ZNF624: variants seen among roughly 807,000 people sequenced by gnomAD.
ZNF624 encodes the protein zinc finger protein 624.
A neutral mutation model predicts 74.7 loss-of-function variants in ZNF624; 43 were observed. The ratio of observed to expected loss-of-function variants is 0.58; its 90% CI spans 0.45 to 0.74. The LOEUF (loss-of-function observed/expected upper bound fraction) is 0.74. ZNF624 is among the 30% of genes least tolerant of loss of function. The pLI is 0.00. For missense variants in ZNF624, 820 were observed against 1,030.0 expected, an observed-to-expected ratio of 0.80 and a Z score of 2.79; for synonymous variants, 331 against 341.3, an observed-to-expected ratio of 0.97 and a Z score of 0.33.
intron 3 of ZNF624, among the ~76,000 whole-genome samples, chr17:16,637,486 C>G (rs960631399): frequency 6.6e-6 from 1 of 152,122 alleles, no homozygotes; most frequent in Non-Finnish European, 1.5e-5. Flanking sequence ...GCTACAGTAA[C>G]CAAAACAGCA....
At chr17:16,635,569 T>C (rs966218525) in intron 3 of ZNF624, among the ~76,000 whole-genome samples, 4 of 152,112 alleles carry the variant, frequency 2.6e-5, no homozygotes, top group African/African-American at 7.2e-5. Context: ...TTGAGTGACT[T>C]TGAAACAGTA....
At chr17:16,645,205 T>C (rs1435966594) in intron 3 of ZNF624, among the ~76,000 whole-genome samples, 2 of 152,086 alleles carry the variant, frequency 1.3e-5, no homozygotes, top group African/African-American at 4.8e-5. Context: ...TTTGGGAGGC[T>C]GAGGTGGGCA....
intron 3 of ZNF624, among the ~76,000 whole-genome samples, chr17:16,635,170 T>G (rs1909297882): frequency 6.6e-6 from 1 of 152,358 alleles, no homozygotes; most frequent in South Asian, 2.1e-4. Flanking sequence ...CAATTTTCTT[T>G]CAGTTCTAAT....
intron 1 of ZNF624, among the ~76,000 whole-genome samples, chr17:16,650,738 T>C (rs1909704856): frequency 6.6e-6 from 1 of 152,142 alleles, no homozygotes; most frequent in South Asian, 2.1e-4. Context: ...ATGAGGGCAG[T>C]GACATAATAA....
In ZNF624 at chr17:16,623,248, G is replaced by A; in HGVS notation, c.1638C>T (p.His546=). The part of the protein sequence containing the change: ...AFINYSCLTV[H]HRMHTGEKPY... ...GTTTCTCTCCTGTATGCATTCTGTG[G>A]TGTACAGTAAGGCATGAATAATTAA... Residue 546 remains histidine, a synonymous_variant, in exon 6 of 6, where the codon CAC becomes CAT. Transcript: ENST00000311331. This position sits in a 1 kb window ranked among gnomAD's most constrained non-coding sequence, Gnocchi z 5.3. The A allele has an allele frequency of 2.5e-6, 4 of 1,613,852 alleles. No homozygotes were observed. The highest frequency in any genetic ancestry group is 3.4e-6 in the Non-Finnish European group (4 of 1,179,892).
In ZNF624 at chr17:16,623,500, A is replaced by T; in HGVS notation, c.1386T>A (p.His462Gln). The T allele has an allele frequency of 6.2e-7, 1 of 1,611,062 alleles. No individual in the cohort carries two copies. The highest frequency in any genetic ancestry group is 8.5e-7 in the Non-Finnish European group (1 of 1,179,150). Residue 462 changes from histidine (H) to glutamine (Q), a missense_variant, in exon 6 of 6, where the codon CAT (histidine) becomes CAA (glutamine). Coordinates refer to ENST00000311331, the MANE Select transcript of ZNF624 (RefSeq NM_020787.4). This position sits in a 1 kb window ranked among gnomAD's most constrained non-coding sequence, Gnocchi z 5.3. ...GTTTCTCTCCAGTATGAATCCTCTG[A>T]TGCACATTAAAAATTGTGGTATTCT... ...SFKNTTIFNV[H>Q]QRIHTGEKPF...
intron 3 of ZNF624, among the ~76,000 whole-genome samples, chr17:16,637,974 A>G (rs1464556593): frequency 6.6e-6 from 1 of 152,208 alleles, no homozygotes; most frequent in East Asian, 1.9e-4. Flanking sequence ...CTCATCTGAC[A>G]AAGGGCTAAT....
Position 16,624,324 on chromosome 17 carries a change from G to A in ZNF624, c.562C>T (p.Gln188Ter). ...GTCTTCTTGAGTGGAATTATTCTTT[G>A]ACTCAAATGATTCTCCTGATTATTT... ...LQNNQENHLSQRIIPLKKTPT... is the reference protein window; with the variant it reads ...LQNNQENHLS Residue 188 changes from glutamine (Q) to a stop codon, truncating the protein, a stop_gained, in exon 6 of 6, where the codon CAA becomes TAA. Transcript: ENST00000311331. LOFTEE classifies it high-confidence loss of function. The A allele has an allele frequency of 6.2e-7, 1 of 1,613,328 alleles. No individual in the cohort carries two copies. The highest frequency in any genetic ancestry group is 8.5e-7 in the Non-Finnish European group (1 of 1,179,808).
chr17:16,647,654 C>G (rs78925110), intron 2 of ZNF624, among the ~76,000 whole-genome samples: 4,421 of 152,280 alleles, frequency 0.029, 213 homozygotes, highest in African/African-American at 0.1. Context: ...CAAAAATAAA[C>G]TTATAATAAA....
intron 2 of ZNF624, among the ~76,000 whole-genome samples, chr17:16,649,161 G>A (rs1909661311): frequency 6.6e-6 from 1 of 152,120 alleles, no homozygotes; most frequent in African/African-American, 2.4e-5. Flanking sequence ...GCCAAGCACT[G>A]TCTTAAACAT....
chr17:16,642,061 C>T (rs967587702), intron 3 of ZNF624, among the ~76,000 whole-genome samples: 3 of 151,978 alleles, frequency 2.0e-5, no homozygotes, highest in Non-Finnish European at 4.4e-5. Context: ...CTTAATCTTG[C>T]GAATATAGCA....
rs767570421 is a variant in ZNF624, at chr17:16,623,422, G to A, written c.1464C>T (p.Ile488=). The A allele has an allele frequency of 6.8e-5, 109 of 1,613,584 alleles. No homozygotes were observed. Among genetic ancestry groups the A allele is most frequent in the South Asian group, 1.4e-4 (13 of 91,060 alleles). ...CCCCAGTGTGAGTTCTTATATGTAC[G>A]ATAAGGCTTGAATTACTTCTATAGG... The part of the protein sequence containing the change: ...GKAYRSNSSL[I]VHIRTHTGEK... The change falls in exon 6 of 6, where the codon ATC becomes ATT. Residue 488 remains isoleucine, a synonymous_variant. Transcript: ENST00000311331. This position sits in a 1 kb window ranked among gnomAD's most constrained non-coding sequence, Gnocchi z 5.3.
chr17:16,637,495 C>A (rs1366842626), intron 3 of ZNF624, among the ~76,000 whole-genome samples: 2 of 152,276 alleles, frequency 1.3e-5, no homozygotes, highest in East Asian at 3.9e-4. Context: ...ACCAAAACAG[C>A]ATGGTACTGG....
chr17:16,647,916 T>C (rs562829428), intron 2 of ZNF624, among the ~76,000 whole-genome samples: 2 of 151,404 alleles, frequency 1.3e-5, no homozygotes, highest in Non-Finnish European at 2.9e-5. Context: ...GCCTTATTTA[T>C]TTATTTATTT....
chr17:16,636,788 A>T (rs1034613455), intron 3 of ZNF624, among the ~76,000 whole-genome samples: 3 of 151,694 alleles, frequency 2.0e-5, no homozygotes, highest in Admixed American at 6.6e-5. Context: ...GTGAGCCGAG[A>T]TTGCGCCACT....
intron 5 of ZNF624, among the ~76,000 whole-genome samples, chr17:16,629,707 C>T (rs1322249908): frequency 6.6e-6 from 1 of 152,056 alleles, no homozygotes; most frequent in East Asian, 1.9e-4. Flanking sequence ...GCTGGGATTA[C>T]AGGCCAGTGC....
At chr17:16,647,834 C>T (rs1439143246) in intron 2 of ZNF624, among the ~76,000 whole-genome samples, 1 of 152,160 alleles carries the variant, frequency 6.6e-6, no homozygotes, top group Non-Finnish European at 1.5e-5. Context: ...TCAACAGTCA[C>T]TCAGGAAATA....
chr17:16,631,498 G>A (rs1909206407), intron 5 of ZNF624: 1 of 152,198 alleles, frequency 6.6e-6, no homozygotes, highest in Admixed American at 6.5e-5. Context: ...GGACGAGGTG[G>A]GAGGATAGCT....
chr17:16,641,925 C>T (rs1003207159), intron 3 of ZNF624, among the ~76,000 whole-genome samples: 4 of 152,096 alleles, frequency 2.6e-5, no homozygotes, highest in Admixed American at 2.6e-4. Context: ...TAAGAAAACA[C>T]AGGAATGAAG....
Sources: allele counts gnomAD v4.1 joint callset (sites outside exome capture counted in the v4.1 genomes callset), GRCh38; gene constraint gnomAD v4.1.1; non-coding constraint Gnocchi (gnomAD v3.1); transcripts MANE v1.5; gene names NCBI Gene and HGNC (gene_info 2026-07-23, HGNC 2026-07-21).